Variants in ITGA4 observed in about 807,000 individuals in gnomAD.
ITGA4 encodes the protein integrin alpha-4.
In ITGA4, 63 loss-of-function variants were observed where a neutral mutation model predicts 133.6. That is an observed-to-expected ratio of 0.47 (90% CI 0.38 to 0.58). The LOEUF is 0.58. ITGA4 is among the 20% of genes least tolerant of loss of function. The pLI is 0.00. For missense variants in ITGA4, 1,076 were observed against 1,252.7 expected (o/e 0.86, Z 2.13); for synonymous variants, 483 against 438.0 (o/e 1.10, Z -1.28).
At chr2:181,522,037 T>A (rs1686731719) in intron 17 of ITGA4, among the ~76,000 whole-genome samples, 154 bp from the exon 18 acceptor site, 1 of 152,192 alleles carries the variant, frequency 6.6e-6, no homozygotes, top group African/African-American at 2.4e-5. Flanking sequence ...TGGTTTTACA[T>A]CTGCTTGCAT....
intron 4 of ITGA4, chr2:181,475,987 A>ACT (rs34682740): frequency 0.21 from 252,306 of 1,220,224 alleles, 27,789 homozygotes; most frequent in Middle Eastern, 0.31. Context: ...AACCACCCTC[A>ACT]CTCAAAAAAA....
chr2:181,514,298 A>G (rs1686562829), intron 17 of ITGA4, among the ~76,000 whole-genome samples: 1 of 152,094 alleles, frequency 6.6e-6, no homozygotes, highest in South Asian at 2.1e-4. Context: ...ACTAGGAATA[A>G]GTAAAAAGGT....
intron 14 of ITGA4, 55 bp from the exon 15 acceptor site, chr2:181,498,568 A>C: frequency 9.0e-7 from 1 of 1,107,476 alleles, no homozygotes; most frequent in Middle Eastern, 2.1e-4. Context: ...CTTCAAAAAT[A>C]ACAATAGATG....
rs1442073618 is a variant in ITGA4, at chr2:181,495,633, G to GC, written c.1386-147dup. On this transcript the variant is annotated intron_variant, in intron 13 of 27. Transcript: ENST00000397033. This position sits in a 1 kb window ranked among gnomAD's most constrained non-coding sequence, Gnocchi z 4.3. ...AGACATTTAAATAAAAAGTTATTTTGCCCTGTGCACAGAAATGTAATTAGT... is the reference window on the plus strand; with the variant it reads ...AGACATTTAAATAAAAAGTTATTTTGCCCCTGTGCACAGAAATGTAATTAGT... The GC allele has an allele frequency of 2.8e-6, 2 of 708,140 alleles. No homozygotes were observed. Among genetic ancestry groups the GC allele is most frequent in the East Asian group, 2.7e-5 (1 of 37,064 alleles). The allele number at this position is 708,140 out of a possible 1,614,324, so 43.9% of individuals were successfully genotyped here. A position where few individuals can be genotyped will look rare whatever the true frequency, so the allele number is the denominator to read the frequency against.
At chr2:181,459,005 A>G (rs1685203443) in intron 2 of ITGA4, 1 of 152,326 alleles carries the variant, frequency 6.6e-6, no homozygotes, top group African/African-American at 2.4e-5. Context: ...AAAGCCAAAG[A>G]CAAGTTTGTT....
In ITGA4 at chr2:181,525,235, C is replaced by T. The variant is rs748597687; in HGVS notation, c.2283C>T (p.His761=). The stretch of plus-strand genomic sequence containing the variant: ...AAGAGGAAATGGACAATCTAAAGCA[C>T]AGCAGAGTGACTGTAGCAATACCTT... ...ENEEEMDNLK[H]SRVTVAIPLK... is the part of the protein sequence containing the mutation. Residue 761 remains histidine (H), a synonymous_variant, in exon 21 of 28, where the codon CAC becomes CAT. Transcript: ENST00000397033. 2.5e-6 allele frequency: 4 copies of T among 1,608,220 alleles called. No individual in the cohort carries two copies. The highest frequency in any genetic ancestry group is 3.4e-6 in the Non-Finnish European group (4 of 1,175,094).
chr2:181,536,244 T>TGTTTTTA lies in ITGA4; in HGVS notation c.*718_*724dup. 6.6e-6 allele frequency: 1 copy of TGTTTTTA among 152,200 alleles called. No homozygotes were observed. The highest frequency in any genetic ancestry group is 6.6e-5 in the Admixed American group (1 of 15,264). 9.4% of individuals were successfully genotyped at this position (152,200 alleles called of 1,614,324 possible). ...ATCTTTCTTTCTGTATATATACATG[T>TGTTTTTA]GTTTTTATGTAGGTATATATTTACC... On this transcript the variant is annotated 3_prime_UTR_variant, in exon 28 of 28. Coordinates refer to ENST00000397033, the MANE Select transcript of ITGA4 (RefSeq NM_000885.6).
intron 10 of ITGA4, among the ~76,000 whole-genome samples, chr2:181,488,813 C>CT (rs1187170543): frequency 2.0e-5 from 3 of 152,232 alleles, no homozygotes; most frequent in Non-Finnish European, 2.9e-5. Context: ...CCGCCTTGGC[C>CT]TCCAAAAATG....
At chr2:181,528,923 A>G (rs1349970237) in intron 22 of ITGA4, among the ~76,000 whole-genome samples, 3 of 151,998 alleles carry the variant, frequency 2.0e-5, no homozygotes, top group African/African-American at 7.3e-5. Context: ...ATTGTTAAAA[A>G]CCTTTTGTGC....
Position 181,505,833 on chromosome 2 carries a change from G to A in ITGA4, c.1696-3825G>A, listed in dbSNP as rs76785879. On this transcript the variant is annotated intron_variant, in intron 15 of 27. Coordinates refer to ENST00000397033, the MANE Select transcript of ITGA4 (RefSeq NM_000885.6). ...GTGATTTGGTCAAAGTAAGCTTGTT[G>A]AGAAGAATTAAAACAGTGGACATGT... Among the ~76,000 whole-genome samples the A allele has an allele frequency of 9.7e-3, 1,473 of 152,206 alleles. 26 individuals carry two copies. Among genetic ancestry groups the A allele is most frequent in the African/African-American group, 0.033 (1,389 of 41,536 alleles).
Position 181,538,154 on chromosome 2 carries a change from T to G in ITGA4, c.*2627T>G. On this transcript the variant is annotated 3_prime_UTR_variant, in exon 28 of 28. Transcript: ENST00000397033. ...CATTTCTTTATATTAAAATTCTAGT[T>G]TGTACATTTCTTTTAGAAACAATTA... 1 of 1,421,206 alleles carries G rather than the reference T, an allele frequency of 7.0e-7. No homozygotes were observed. Among genetic ancestry groups the G allele is most frequent in the Non-Finnish European group, 9.9e-7 (1 of 1,009,418 alleles). 88.0% of individuals were successfully genotyped at this position (1,421,206 alleles called of 1,614,324 possible).
intron 20 of ITGA4, 153 bp downstream of exon 20, chr2:181,524,403 A>G (rs1686791109): frequency 1.9e-6 from 1 of 514,194 alleles, no homozygotes; most frequent in Admixed American, 4.0e-5. Flanking sequence ...ACATAGTTAA[A>G]TGGGAGTTAC....
intron 4 of ITGA4, among the ~76,000 whole-genome samples, chr2:181,478,291 CTG>C (rs1284265236): frequency 6.6e-6 from 1 of 151,970 alleles, no homozygotes; most frequent in Non-Finnish European, 1.5e-5. Flanking sequence ...AGCATGAGGA[CTG>C]GAGTTAATAA....
intron 15 of ITGA4, among the ~76,000 whole-genome samples, chr2:181,501,975 G>A (rs945797882): frequency 6.6e-6 from 1 of 152,056 alleles, no homozygotes; most frequent in South Asian, 2.1e-4. Context: ...GAGGGCCACC[G>A]TCTGTACTCT....
chr2:181,498,906 C>G, intron 15 of ITGA4, 129 bp downstream of exon 15: 2 of 1,338,126 alleles, frequency 1.5e-6, no homozygotes, highest in Non-Finnish European at 1.9e-6. Context: ...GAACTATGAC[C>G]TGTTGCTCCA....
Position 181,495,567 on chromosome 2 carries a change from C to T in ITGA4, c.1385+151C>T. The T allele has an allele frequency of 1.4e-6, 1 of 727,196 alleles. No homozygotes were observed. The highest frequency in any genetic ancestry group is 2.3e-6 in the Non-Finnish European group (1 of 433,284). The allele number at this position is 727,196 out of a possible 1,614,324, so 45.0% of individuals were successfully genotyped here. On this transcript the variant is annotated intron_variant, in intron 13 of 27. Coordinates refer to ENST00000397033, the MANE Select transcript of ITGA4 (RefSeq NM_000885.6). The surrounding 1 kb of genome is among the most constrained non-coding windows in gnomAD (Gnocchi z 4.3). The stretch of plus-strand genomic sequence containing the variant: ...ATTGATTTTTAGGGTATTTTTTTCA[C>T]CTTACAGAGATATAATTAAATCATC...
Position 181,523,522 on chromosome 2 carries a change from A to T in ITGA4, c.2159A>T (p.His720Leu), listed in dbSNP as rs201758248. ...AGTATTGGCTATATATATGTAGATCATCTCTCAAGGGTAAGTGTTTCATAT... is the reference window on the plus strand; with the variant it reads ...AGTATTGGCTATATATATGTAGATCTTCTCTCAAGGGTAAGTGTTTCATAT... The part of the protein sequence containing the change: ...DCSIGYIYVD[H>L]LSRIDISFLL... The change falls in exon 19 of 28, where the codon CAT (histidine) becomes CTT (leucine). Residue 720 changes from histidine (H) to leucine (L), a missense_variant. Transcript: ENST00000397033. The surrounding 1 kb of genome is among the most constrained non-coding windows in gnomAD (Gnocchi z 4.2). The T allele has an allele frequency of 9.6e-6, 15 of 1,565,812 alleles. No individual in the cohort carries two copies. The highest frequency in any genetic ancestry group is 1.3e-5 in the Non-Finnish European group (15 of 1,136,636).
At position 181,516,358 on chromosome 2, in the gene ITGA4, C is replaced by A. The variant is rs890545032; in HGVS notation, c.1922+4583C>A. On this transcript the variant is annotated intron_variant, in intron 17 of 27. Transcript: ENST00000397033. This position sits in a 1 kb window ranked among gnomAD's most constrained non-coding sequence, Gnocchi z 4.0. The stretch of plus-strand genomic sequence containing the variant: ...GATATTATTTCGCATAATAAGCAGT[C>A]TTGAGGAAGGATGTTCACAGGTTTG... Among the ~76,000 whole-genome samples, 3 of 152,054 alleles carry A rather than the reference C, an allele frequency of 2.0e-5. No homozygotes were observed. The highest frequency in any genetic ancestry group is 7.2e-5 in the African/African-American group (3 of 41,418).
Position 181,522,187 on chromosome 2 carries a change from T to G in ITGA4, c.1923-4T>G, listed in dbSNP as rs745630048. The G allele has an allele frequency of 1.8e-5, 28 of 1,557,056 alleles. No individual in the cohort carries two copies. The highest frequency in any genetic ancestry group is 2.5e-5 in the Non-Finnish European group (28 of 1,141,242). ...AGAACTAAATAATATTACTTAATTT[T>G]TAGGCCCCATGAAAATAAAACATAT... On this transcript the variant is annotated splice_region_variant and splice_polypyrimidine_tract_variant and intron_variant, in intron 17 of 27. Coordinates refer to ENST00000397033, the MANE Select transcript of ITGA4 (RefSeq NM_000885.6).
Sources: gnomAD v4.1 joint callset for allele counts (sites outside exome capture counted in the v4.1 genomes callset) on GRCh38, gnomAD v4.1.1 for gene constraint, Gnocchi (gnomAD v3.1) non-coding constraint, MANE v1.5 for transcripts, NCBI Gene and HGNC (gene_info 2026-07-23, HGNC 2026-07-21) for gene names.